TMEM117: variants seen among roughly 807,000 people sequenced by gnomAD.
TMEM117 encodes transmembrane protein 117.
A neutral mutation model predicts 52.4 loss-of-function variants in TMEM117; 27 were observed. The ratio of observed to expected loss-of-function variants is 0.51; its 90% confidence interval spans 0.38 to 0.71. The LOEUF (loss-of-function observed/expected upper bound fraction) is 0.71. Ranked by LOEUF, TMEM117 falls within the 30% of genes least tolerant of loss-of-function variation. The pLI, the probability that TMEM117 is intolerant of heterozygous loss-of-function variation, is 0.00. For missense variants in TMEM117, 556 were observed against 630.5 expected (o/e 0.88, Z 1.26); for synonymous variants, 215 against 206.3 (o/e 1.04, Z -0.36).
At chr12:43,812,487 A>C in the TMEM117 span, among the ~76,000 whole-genome samples, 1 of 152,330 alleles carries the variant, frequency 6.6e-6, no homozygotes, top group East Asian at 1.9e-4. Flanking sequence ...TGCACCTTGT[A>C]GAGAAAGGAA....
chr12:44,215,158 A>G (rs1053990631), intron 5 of TMEM117, among the ~76,000 whole-genome samples: 4 of 152,236 alleles, frequency 2.6e-5, no homozygotes, highest in Admixed American at 6.5e-5. Context: ...CTTAAGTTGC[A>G]ATGTGACTAT....
At chr12:44,301,775 T>C (rs75078731) in intron 6 of TMEM117, among the ~76,000 whole-genome samples, 6,773 of 152,144 alleles carry the variant, frequency 0.045, 153 homozygotes, top group African/African-American at 0.065. Flanking sequence ...TGGAAGAAAA[T>C]GGCTACTGCC....
chr12:44,320,367 T>C (rs570712455), intron 6 of TMEM117, among the ~76,000 whole-genome samples: 1 of 152,328 alleles, frequency 6.6e-6, no homozygotes, highest in South Asian at 2.1e-4. Flanking sequence ...CTTCTTTTGG[T>C]CTTACTCCAT....
At chr12:44,012,609 A>G (rs1946311704) in intron 3 of TMEM117, among the ~76,000 whole-genome samples, 1 of 152,150 alleles carries the variant, frequency 6.6e-6, no homozygotes, top group South Asian at 2.1e-4. Flanking sequence ...GAGCCCATCA[A>G]AAGCATTCTT....
chr12:44,106,104 A>T (rs527629250), intron 3 of TMEM117, among the ~76,000 whole-genome samples: 1 of 152,058 alleles, frequency 6.6e-6, no homozygotes, highest in South Asian at 2.1e-4. Flanking sequence ...TCTAAGTTGC[A>T]ATTTTCTGTA....
chr12:43,957,018 A>G (rs553036843), intron 3 of TMEM117, among the ~76,000 whole-genome samples: 149 of 152,304 alleles, frequency 9.8e-4, no homozygotes, highest in African/African-American at 3.5e-3. Context: ...ATGGATGAAG[A>G]TGGAAGCCAT....
At chr12:43,942,354 G>A (rs574440563) in intron 2 of TMEM117, among the ~76,000 whole-genome samples, 2 of 152,254 alleles carry the variant, frequency 1.3e-5, no homozygotes, top group African/African-American at 4.8e-5. Context: ...GCATTCTGTG[G>A]TTAATATATT....
At chr12:44,289,148 A>G (rs1338710094) in intron 5 of TMEM117, among the ~76,000 whole-genome samples, 8 of 152,006 alleles carry the variant, frequency 5.3e-5, no homozygotes, top group African/African-American at 1.7e-4. Flanking sequence ...TTTATTTAGC[A>G]TAATGTTCTT....
the TMEM117 span, among the ~76,000 whole-genome samples, chr12:43,808,133 A>G: frequency 2.6e-5 from 4 of 152,358 alleles, no homozygotes; most frequent in East Asian, 5.8e-4. Context: ...ATGTATGCAG[A>G]TAAGAGGGTT....
chr12:44,199,473 C>A (rs975033803), intron 4 of TMEM117, among the ~76,000 whole-genome samples: 18 of 151,994 alleles, frequency 1.2e-4, no homozygotes, highest in African/African-American at 4.1e-4. Context: ...CAGTATATGA[C>A]CACAATATAC....
chr12:44,114,235 G>T (rs140459958), intron 3 of TMEM117, among the ~76,000 whole-genome samples: 146 of 152,084 alleles, frequency 9.6e-4, no homozygotes, highest in African/African-American at 3.3e-3. Context: ...CTCCTCCTCC[G>T]TACCAAATTT....
intron 4 of TMEM117, among the ~76,000 whole-genome samples, chr12:44,166,790 G>C (rs1049647944): frequency 2.6e-5 from 4 of 152,154 alleles, no homozygotes; most frequent in African/African-American, 9.6e-5. Flanking sequence ...TTTCAGCACA[G>C]AATTTTAAAT....
chr12:44,183,307 G>C (rs377399925), intron 4 of TMEM117, among the ~76,000 whole-genome samples: 2 of 152,220 alleles, frequency 1.3e-5, no homozygotes, highest in East Asian at 3.9e-4. Context: ...AGTACACTGT[G>C]GTGTGATCTT....
At chr12:44,197,602 A>G (rs767966964) in intron 4 of TMEM117, among the ~76,000 whole-genome samples, 51 of 152,262 alleles carry the variant, frequency 3.3e-4, no homozygotes, top group Middle Eastern at 3.4e-3. Flanking sequence ...TTACAATTCA[A>G]TGTGGTGGAA....
intron 3 of TMEM117, among the ~76,000 whole-genome samples, chr12:44,090,738 C>T (rs1293525841): frequency 6.6e-6 from 1 of 152,036 alleles, no homozygotes; most frequent in Non-Finnish European, 1.5e-5. Context: ...ACACCCTCAG[C>T]CCAGAACACC....
intron 3 of TMEM117, chr12:44,073,833 G>A (rs780020885): frequency 6.6e-6 from 1 of 152,178 alleles, no homozygotes; most frequent in Non-Finnish European, 1.5e-5. Context: ...TGTGAAAAAT[G>A]TAAGTGGCAG....
chr12:44,361,773 A>G (rs1333729489), intron 6 of TMEM117, among the ~76,000 whole-genome samples: 1 of 152,126 alleles, frequency 6.6e-6, no homozygotes, highest in Non-Finnish European at 1.5e-5. Flanking sequence ...AAAATAGTCA[A>G]GAAGAGTTAC....
At chr12:44,124,819 G>T (rs1253803092) in intron 3 of TMEM117, among the ~76,000 whole-genome samples, 1 of 152,126 alleles carries the variant, frequency 6.6e-6, no homozygotes, top group Non-Finnish European at 1.5e-5. Context: ...TTTTGTTGAG[G>T]ATTTTTGCAT....
At chr12:44,005,014 T>C (rs927743690) in intron 3 of TMEM117, among the ~76,000 whole-genome samples, 1 of 152,188 alleles carries the variant, frequency 6.6e-6, no homozygotes, top group African/African-American at 2.4e-5. Context: ...TATTTTCTAA[T>C]AACTAGCTGA....
Sources: allele counts gnomAD v4.1 joint callset (sites outside exome capture counted in the v4.1 genomes callset), GRCh38; gene constraint gnomAD v4.1.1; transcripts MANE v1.5; gene names NCBI Gene and HGNC (gene_info 2026-07-23, HGNC 2026-07-21).